The following SLK variants were observed in gnomAD, a reference collection of about 807,000 sequenced individuals.
SLK encodes STE20 like kinase, also known as STE20-like serine/threonine-protein kinase.
SLK carries 67 observed loss-of-function variants against 147.7 expected under a neutral mutation model. The observed-to-expected ratio is 0.45, with a 90% CI of 0.37 to 0.56. SLK has a LOEUF of 0.56. SLK is among the 20% of genes least tolerant of loss of function. The probability of loss-of-function intolerance (pLI) is 0.00; values close to 1 mark genes in which losing one functional copy is unlikely to be tolerated. For missense variants in SLK, 1,136 were observed against 1,438.8 expected (o/e 0.79, Z 3.41); for synonymous variants, 441 against 475.0 (o/e 0.93, Z 0.93).
intron 1 of SLK, among the ~76,000 whole-genome samples, chr10:103,973,224 G>T (rs1201371241): frequency 6.6e-6 from 1 of 152,062 alleles, no homozygotes; most frequent in Non-Finnish European, 1.5e-5. Context: ...ATGAGGTAGG[G>T]GTCCAGTTTC....
intron 7 of SLK, among the ~76,000 whole-genome samples, chr10:104,000,184 A>G (rs1844227161): frequency 6.6e-6 from 1 of 152,058 alleles, no homozygotes; most frequent in South Asian, 2.1e-4. Flanking sequence ...TTTGGTAGTT[A>G]TTTCCATTAT....
At chr10:104,017,095 C>T (rs952689987) in intron 13 of SLK, among the ~76,000 whole-genome samples, 1 of 151,938 alleles carries the variant, frequency 6.6e-6, no homozygotes, top group Admixed American at 6.5e-5. Flanking sequence ...TTTAACATTT[C>T]CTTTTTTTGC....
At chr10:104,000,599 T>G (rs1032892204) in intron 7 of SLK, among the ~76,000 whole-genome samples, 1 of 152,190 alleles carries the variant, frequency 6.6e-6, no homozygotes, top group South Asian at 2.1e-4. Context: ...CGACAGACAC[T>G]GTTAAATGTT....
intron 1 of SLK, among the ~76,000 whole-genome samples, chr10:103,978,517 A>C (rs1843899012): frequency 6.6e-6 from 1 of 152,178 alleles, no homozygotes; most frequent in South Asian, 2.1e-4. Context: ...ATTTCAGAAA[A>C]AATTTTAACA....
At chr10:104,004,917 T>C (rs1350011279) in intron 9 of SLK, among the ~76,000 whole-genome samples, 2 of 152,182 alleles carry the variant, frequency 1.3e-5, no homozygotes, top group African/African-American at 4.8e-5. Flanking sequence ...CTGGTACTTT[T>C]GGGTGCAGCA....
intron 4 of SLK, among the ~76,000 whole-genome samples, chr10:103,996,491 C>A (rs560997915): frequency 1.3e-5 from 2 of 151,404 alleles, no homozygotes; most frequent in African/African-American, 4.8e-5. Flanking sequence ...CTCTGCCTCC[C>A]GGGTTCACGC....
chr10:103,967,871 C>T lies in SLK; in HGVS notation c.126C>T (p.Asp42=), dbSNP rs761186151. The change falls in exon 1 of 19, where the codon GAC becomes GAT. Residue 42 remains aspartate, a synonymous_variant. Coordinates refer to ENST00000369755, the MANE Select transcript of SLK (RefSeq NM_014720.4). The part of the protein sequence containing the change: ...DFWEIIGELG[D]GAFGKVYKAQ... The stretch of plus-strand genomic sequence containing the variant: ...GGGAGATTATAGGAGAACTGGGCGA[C>T]GGAGCCTTTGGGAAAGTGTACAAGG... The T allele has an allele frequency of 6.2e-7, 1 of 1,609,662 alleles. No homozygotes were observed. Among genetic ancestry groups the T allele is most frequent in the Non-Finnish European group, 8.5e-7 (1 of 1,178,396 alleles).
At chr10:103,990,634 A>G in intron 1 of SLK, 41 bp from the exon 2 acceptor site, 2 of 1,205,002 alleles carry the variant, frequency 1.7e-6, no homozygotes, top group Non-Finnish European at 2.3e-6. Context: ...TTAGAAAATG[A>G]TGCATTTGAA....
At chr10:103,981,155 G>A (rs1168472495) in intron 1 of SLK, among the ~76,000 whole-genome samples, 2 of 151,510 alleles carry the variant, frequency 1.3e-5, no homozygotes, top group East Asian at 3.9e-4. Context: ...CGGCTCCTTT[G>A]CCTATTTTTG....
chr10:104,015,027 G>C lies in SLK; in HGVS notation c.2878-3133G>C, dbSNP rs1844444775. On this transcript the variant is annotated intron_variant, in intron 13 of 18. Transcript: ENST00000369755. ...ATTGTATTTGGCTTTTGAAGTTAGG[G>C]AATTTAGTGAATGTGTAATAACATT... 5.3e-5 allele frequency among the ~76,000 whole-genome samples: 8 copies of C among 152,092 alleles called. No homozygotes were observed. In the South Asian group the frequency reaches 1.5e-3, roughly 28 times the overall value.
In SLK at chr10:104,027,958, G is replaced by C. The variant is rs987058837; in HGVS notation, c.*2238G>C. ...TATGACCATAATCGTGTGGGTGCAA[G>C]ACTGTACAGTGATACATATGTAGAG... On this transcript the variant is annotated 3_prime_UTR_variant, in exon 19 of 19. Transcript: ENST00000369755. The C allele has an allele frequency of 2.0e-5, 3 of 152,160 alleles. No homozygotes were observed. The highest frequency in any genetic ancestry group is 7.2e-5 in the African/African-American group (3 of 41,418). The allele number at this position is 152,160 out of a possible 1,614,324, so 9.4% of individuals were successfully genotyped here. A position where few individuals can be genotyped will look rare whatever the true frequency, so the allele number is the denominator to read the frequency against.
chr10:103,977,480 T>C (rs1564650331), intron 1 of SLK, among the ~76,000 whole-genome samples: 1 of 152,152 alleles, frequency 6.6e-6, no homozygotes. Flanking sequence ...CTGGGCATGA[T>C]GGCACTCACC....
intron 3 of SLK, 141 bp downstream of exon 3, chr10:103,992,787 C>A: frequency 1.4e-6 from 1 of 711,868 alleles, no homozygotes; most frequent in Non-Finnish European, 2.3e-6. Flanking sequence ...TTTTTATATT[C>A]TTGGATAATT....
intron 13 of SLK, among the ~76,000 whole-genome samples, chr10:104,011,807 G>T (rs1157234945): frequency 6.6e-6 from 1 of 152,116 alleles, no homozygotes; most frequent in Non-Finnish European, 1.5e-5. Flanking sequence ...TGATCTGCCC[G>T]CCTCAGCCTC....
At chr10:104,016,047 G>C (rs375385307) in intron 13 of SLK, among the ~76,000 whole-genome samples, 1 of 152,068 alleles carries the variant, frequency 6.6e-6, no homozygotes, top group South Asian at 2.1e-4. Context: ...GGCTGGGCGC[G>C]TTGGCTCACG....
At chr10:104,012,921 C>A (rs1844418032) in intron 13 of SLK, among the ~76,000 whole-genome samples, 1 of 152,154 alleles carries the variant, frequency 6.6e-6, no homozygotes, top group Admixed American at 6.6e-5. Context: ...GTATCAAATT[C>A]TAAAGTCAAA....
intron 1 of SLK, 70 bp from the exon 2 acceptor site, chr10:103,990,605 C>G: frequency 1.1e-6 from 1 of 885,462 alleles, no homozygotes; most frequent in Admixed American, 3.0e-5. Flanking sequence ...AACTTAAAAT[C>G]TATTAAAATA....
At position 104,019,779 on chromosome 10, in the gene SLK, T is replaced by G. The variant is rs764538601; in HGVS notation, c.3178T>G (p.Leu1060Val). 1.2e-6 allele frequency: 2 copies of G among 1,613,978 alleles called. No individual in the cohort carries two copies. Among genetic ancestry groups the G allele is most frequent in the African/African-American group, 2.7e-5 (2 of 74,926 alleles). ...TTACAATCAAAGACTTATTGAGGAA[T>G]TGAAAAACAGACAGACTCAAGAAAG... ...QRYNQRLIEE[L>V]KNRQTQERAR... is the part of the protein sequence containing the mutation. The change falls in exon 16 of 19, where the codon TTG becomes GTG. Residue 1060 changes from leucine (L) to valine (V), a missense_variant. Physicochemically the swap from Leu to Val is conservative, Grantham distance 32 (BLOSUM62 1). Transcript: ENST00000369755.
intron 1 of SLK, among the ~76,000 whole-genome samples, chr10:103,979,610 C>T (rs1843914751): frequency 6.6e-6 from 1 of 152,018 alleles, no homozygotes. Context: ...GAAGTAATAT[C>T]GTCCCTGATT....
Sources: gnomAD v4.1 joint callset for allele counts (sites outside exome capture counted in the v4.1 genomes callset) on GRCh38, gnomAD v4.1.1 for gene constraint, MANE v1.5 for transcripts, NCBI Gene and HGNC (gene_info 2026-07-23, HGNC 2026-07-21) for gene names.